N4BP2: variants seen among roughly 807,000 people sequenced by gnomAD.
The protein encoded by N4BP2 is NEDD4 binding protein 2.
N4BP2 carries 91 observed loss-of-function variants against 152.8 expected under a neutral mutation model. The observed-to-expected ratio is 0.60, with a 90% CI of 0.50 to 0.71. N4BP2 has a LOEUF of 0.71. Ranked by LOEUF, N4BP2 falls within the 30% of genes least tolerant of loss-of-function variation. N4BP2 has a pLI of 0.00. For synonymous variants in N4BP2, 646 were observed against 705.3 expected (o/e 0.92, Z 1.33); for missense variants, 1,923 against 2,059.1 (o/e 0.93, Z 1.28).
intron 2 of N4BP2, among the ~76,000 whole-genome samples, chr4:40,075,973 T>A (rs76038978): frequency 0.017 from 2,560 of 152,170 alleles, 91 homozygotes; most frequent in African/African-American, 0.059. Flanking sequence ...ACTACAGGCA[T>A]GTACCACCAG....
intron 5 of N4BP2, among the ~76,000 whole-genome samples, chr4:40,109,818 CAA>C (rs749207386): frequency 5.9e-5 from 9 of 152,012 alleles, no homozygotes; most frequent in Non-Finnish European, 8.8e-5. Context: ...TTTGTTAAGA[CAA>C]AATTCATGTG....
At position 40,102,142 on chromosome 4, in the gene N4BP2, A is replaced by G. The variant is rs909370445; in HGVS notation, c.297A>G (p.Ser99=). ...ATACCAAGATAGAAGAATCATCTTC[A>G]CAAAGTTTCGTTGCTTCTGAGAACC... ...ATDTKIEESS[S]QSFVASENQV... The change falls in exon 4 of 18, where the codon TCA becomes TCG. Residue 99 remains serine, a synonymous_variant. Transcript: ENST00000261435. 5 of 1,613,440 alleles carry G rather than the reference A, an allele frequency of 3.1e-6. No individual in the cohort carries two copies. The highest frequency in any genetic ancestry group is 1.3e-5 in the African/African-American group (1 of 75,026).
In N4BP2 at chr4:40,136,969, T is replaced by C; in HGVS notation, c.4672T>C (p.Phe1558Leu). Residue 1558 changes from phenylalanine (F) to leucine (L), a missense_variant, in exon 14 of 18, where the codon TTT becomes CTT. Phe to Leu is a conservative substitution (Grantham distance 22). Transcript: ENST00000261435. ...HNYSLEHTVQ[F>L]LNCVLEGDPV... is the part of the protein sequence containing the mutation. ...CTATTCATTAGAACACACAGTGCAA[T>C]TTCTTAACTGTGTTCTTGAAGGGGA... 1 of 1,612,480 alleles carries C rather than the reference T, an allele frequency of 6.2e-7. No homozygotes were observed. The highest frequency in any genetic ancestry group is 8.5e-7 in the Non-Finnish European group (1 of 1,178,980).
At chr4:40,167,390 A>G in the N4BP2 span, 1 of 152,376 alleles carries the variant, frequency 6.6e-6, no homozygotes, top group South Asian at 2.1e-4. Flanking sequence ...ATACTCTGAC[A>G]GAATTCCTGA....
intron 3 of N4BP2, among the ~76,000 whole-genome samples, chr4:40,098,666 G>A (rs1043803420): frequency 1.3e-5 from 2 of 152,298 alleles, no homozygotes; most frequent in Non-Finnish European, 1.5e-5. Context: ...AGCAGTGCAT[G>A]ATGCTCAGAA....
At chr4:40,060,788 A>G (rs2109881885) in intron 1 of N4BP2, among the ~76,000 whole-genome samples, 1 of 151,710 alleles carries the variant, frequency 6.6e-6, no homozygotes, top group East Asian at 1.9e-4. Flanking sequence ...ATTTTTTTGT[A>G]GAGACAGGGT....
At chr4:40,129,237 T>G (rs1239687159) in intron 12 of N4BP2, among the ~76,000 whole-genome samples, 1 of 135,506 alleles carries the variant, frequency 7.4e-6, no homozygotes, top group Non-Finnish European at 1.6e-5. Context: ...TTTTGTTTTG[T>G]TTTTTTTGAG....
chr4:40,163,781 C>A, the N4BP2 span, among the ~76,000 whole-genome samples: 1 of 152,180 alleles, frequency 6.6e-6, no homozygotes, highest in South Asian at 2.1e-4. Flanking sequence ...TTATGAGAGA[C>A]AATAAGCTGC....
intron 17 of N4BP2, 27 bp from the exon 18 acceptor site, chr4:40,154,165 A>C (rs1721412707): frequency 6.4e-7 from 1 of 1,559,906 alleles, no homozygotes. Flanking sequence ...TTTCATCTTT[A>C]AAATAACTCT....
intron 1 of N4BP2, among the ~76,000 whole-genome samples, chr4:40,071,344 G>A (rs1248885733): frequency 1.3e-5 from 2 of 152,270 alleles, no homozygotes; most frequent in East Asian, 3.9e-4. Context: ...AGTAGACTTA[G>A]GTTAAACAGT....
intron 3 of N4BP2, among the ~76,000 whole-genome samples, chr4:40,097,939 G>A (rs973180993): frequency 6.6e-6 from 1 of 152,066 alleles, no homozygotes; most frequent in Non-Finnish European, 1.5e-5. Flanking sequence ...GCCTGTACAC[G>A]CTAGATGCCA....
chr4:40,166,318 G>A, the N4BP2 span, among the ~76,000 whole-genome samples: 2 of 152,166 alleles, frequency 1.3e-5, no homozygotes, highest in East Asian at 1.9e-4. Flanking sequence ...AGAGGTAGGA[G>A]AATTAGATTT....
chr4:40,057,391 G>GC (rs1458266312), intron 1 of N4BP2, among the ~76,000 whole-genome samples: 1 of 152,228 alleles, frequency 6.6e-6, no homozygotes, highest in Non-Finnish European at 1.5e-5. Context: ...ATCTGTTCCC[G>GC]CCGGGACCTG....
chr4:40,084,995 C>T (rs1713798805), intron 2 of N4BP2, among the ~76,000 whole-genome samples: 1 of 150,854 alleles, frequency 6.6e-6, no homozygotes, highest in South Asian at 2.1e-4. Flanking sequence ...TCACTGCCAC[C>T]TCCGCCTCCT....
chr4:40,062,093 T>TC (rs1292014486), intron 1 of N4BP2, among the ~76,000 whole-genome samples: 7 of 149,908 alleles, frequency 4.7e-5, no homozygotes, highest in South Asian at 4.2e-4. Flanking sequence ...TTTTTTTTTT[T>TC]CTTGAGACGG....
chr4:40,149,305 T>G (rs761382385), intron 16 of N4BP2, among the ~76,000 whole-genome samples: 4 of 152,254 alleles, frequency 2.6e-5, no homozygotes, highest in Non-Finnish European at 5.9e-5. Flanking sequence ...CATTATTCTT[T>G]GTGAAAGATG....
intron 2 of N4BP2, among the ~76,000 whole-genome samples, chr4:40,077,259 C>T (rs1712844202): frequency 1.3e-5 from 2 of 151,732 alleles, no homozygotes. Flanking sequence ...CTCCTGGGTT[C>T]AAGCAATTCT....
Position 40,121,113 on chromosome 4 carries a change from A to G in N4BP2, c.3002A>G (p.Gln1001Arg). 3 of 1,614,136 alleles carry G rather than the reference A, an allele frequency of 1.9e-6. No homozygotes were observed. The highest frequency in any genetic ancestry group is 2.5e-6 in the Non-Finnish European group (3 of 1,180,022). ...EPQTLAECQEQMPKRDPGKEV... is the reference protein window; with the variant it reads ...EPQTLAECQERMPKRDPGKEV... ...CAAACGTTAGCTGAATGTCAAGAGC[A>G]AATGCCTAAGAGAGACCCTGGAAAA... The change falls in exon 9 of 18, where the codon CAA becomes CGA. Residue 1001 changes from glutamine (Q) to arginine (R), a missense_variant. Transcript: ENST00000261435.
chr4:40,172,936 C>CT, the N4BP2 span, among the ~76,000 whole-genome samples: 37 of 150,890 alleles, frequency 2.5e-4, no homozygotes, highest in African/African-American at 5.6e-4. Flanking sequence ...AACTTTTTTG[C>CT]TTTTTTTTTG....
Sources: gnomAD v4.1 joint callset for allele counts (sites outside exome capture counted in the v4.1 genomes callset) on GRCh38, gnomAD v4.1.1 for gene constraint, MANE v1.5 for transcripts, NCBI Gene and HGNC (gene_info 2026-07-23, HGNC 2026-07-21) for gene names.